GPC5: variants seen among roughly 807,000 people sequenced by gnomAD.
The protein encoded by GPC5 is glypican-5.
GPC5 carries 47 observed loss-of-function variants against 53.9 expected under a neutral mutation model. The observed-to-expected ratio is 0.87, with a 90% confidence interval of 0.69 to 1.11. GPC5 has a LOEUF of 1.11. Among genes scored for constraint, GPC5 ranks in the 50% most tolerant of loss-of-function variants. The pLI is 0.00. For synonymous variants in GPC5, 286 were observed against 263.3 expected (o/e 1.09, Z -0.84); for missense variants, 748 against 713.1 (o/e 1.05, Z -0.56).
intron 2 of GPC5, among the ~76,000 whole-genome samples, chr13:91,533,973 C>A (rs1182550395): frequency 1.3e-5 from 2 of 152,086 alleles, no homozygotes; most frequent in East Asian, 1.9e-4. Context: ...AGCAGCATTT[C>A]TTTTTAGCTG....
intron 2 of GPC5, among the ~76,000 whole-genome samples, chr13:91,626,993 A>G (rs1470936707): frequency 9.1e-6 from 1 of 110,134 alleles, no homozygotes; most frequent in Non-Finnish European, 1.8e-5. Context: ...TACAAAGGAC[A>G]TGAACTCATC....
intron 7 of GPC5, among the ~76,000 whole-genome samples, chr13:92,215,918 C>T (rs373037287): frequency 6.6e-5 from 10 of 152,106 alleles, no homozygotes; most frequent in African/African-American, 1.7e-4. Context: ...CCCTCCTTAG[C>T]TCAGGCTTTG....
intron 2 of GPC5, among the ~76,000 whole-genome samples, chr13:91,596,323 T>A (rs561851868): frequency 2.0e-5 from 3 of 152,234 alleles, no homozygotes; most frequent in Admixed American, 6.5e-5. Context: ...TGCCTTTAAA[T>A]TATTATGGCT....
intron 1 of GPC5, among the ~76,000 whole-genome samples, chr13:91,428,985 T>C (rs1409038980): frequency 6.6e-6 from 1 of 152,172 alleles, no homozygotes; most frequent in African/African-American, 2.4e-5. Flanking sequence ...AGTGGCATGA[T>C]CTTGGCTCAC....
At chr13:92,503,900 A>G (rs551373661) in intron 7 of GPC5, among the ~76,000 whole-genome samples, 25 of 151,896 alleles carry the variant, frequency 1.6e-4, no homozygotes, top group Non-Finnish European at 3.4e-4. Context: ...CTTGGCCAAG[A>G]TTGTTTCTGA....
rs1370690786 is a variant in GPC5 at position 92,385,347 on chromosome 13, C to CATATATACATATATACAT, written c.1561+240394_1561+240411dup. Among the ~76,000 whole-genome samples, 6 of 86,990 alleles carry CATATATACATATATACAT rather than the reference C, an allele frequency of 6.9e-5. 1 individual carries two copies. Among genetic ancestry groups the CATATATACATATATACAT allele is most frequent in the Non-Finnish European group, 1.2e-4 (5 of 42,926 alleles). 57.1% of individuals were successfully genotyped at this position (86,990 alleles called of 152,430 possible). A position where few individuals can be genotyped will look rare whatever the true frequency, so the allele number is the denominator to read the frequency against. ...ATATATACATATATACATATATATA[C>CATATATACATATATACAT]ATATATACATATATACATATATATA... is the stretch of plus-strand genomic sequence containing the variant. On this transcript the variant is annotated intron_variant, in intron 7 of 7. Coordinates refer to ENST00000377067, the MANE Select transcript of GPC5 (RefSeq NM_004466.6).
At chr13:92,445,223 A>T (rs1877750000) in intron 7 of GPC5, among the ~76,000 whole-genome samples, 1 of 141,282 alleles carries the variant, frequency 7.1e-6, no homozygotes, top group Non-Finnish European at 1.5e-5. Flanking sequence ...CTCTCCTCTC[A>T]AGAGATGTAT....
intron 5 of GPC5, among the ~76,000 whole-genome samples, chr13:91,867,721 G>A (rs543633700): frequency 3.3e-5 from 5 of 152,184 alleles, no homozygotes; most frequent in Admixed American, 6.5e-5. Context: ...ATTCACGAGG[G>A]ATGGATGGTT....
At chr13:92,327,744 C>T (rs567106844) in intron 7 of GPC5, among the ~76,000 whole-genome samples, 6 of 152,138 alleles carry the variant, frequency 3.9e-5, no homozygotes, top group Non-Finnish European at 7.3e-5. Flanking sequence ...TCTTTTACAA[C>T]GAAATCAAAA....
intron 7 of GPC5, among the ~76,000 whole-genome samples, chr13:92,664,210 A>C (rs1886492553): frequency 6.6e-6 from 1 of 152,010 alleles, no homozygotes. Flanking sequence ...ATCATCAGAA[A>C]TCAAATACCA....
At chr13:91,660,210 C>G (rs1373166942) in intron 2 of GPC5, among the ~76,000 whole-genome samples, 1 of 152,190 alleles carries the variant, frequency 6.6e-6, no homozygotes, top group East Asian at 1.9e-4. Flanking sequence ...GGGCTGATTG[C>G]TACAGAGGCT....
rs1462533037 is a variant in GPC5, at chr13:92,646,966, G to GTGTA, written c.1562-219315_1562-219314insGTAT. Among the ~76,000 whole-genome samples the GTGTA allele has an allele frequency of 6.5e-4, 95 of 145,968 alleles. 1 individual carries two copies. Among genetic ancestry groups the GTGTA allele is most frequent in the African/African-American group, 2.0e-3 (74 of 36,704 alleles). Reference sequence around the variant, plus strand: ...TGTGTGTGTGTGTGTGTGTGTGTGTGTATATAAACCTGGCATTCTATGACC... The same window carrying GTGTA: ...TGTGTGTGTGTGTGTGTGTGTGTGTGTGTATATATAAACCTGGCATTCTATGACC... On this transcript the variant is annotated intron_variant, in intron 7 of 7. Coordinates refer to ENST00000377067, the MANE Select transcript of GPC5 (RefSeq NM_004466.6).
chr13:91,569,080 C>T (rs1373308569), intron 2 of GPC5, among the ~76,000 whole-genome samples: 3 of 151,896 alleles, frequency 2.0e-5, no homozygotes, highest in African/African-American at 7.3e-5. Flanking sequence ...AAGATGTGTC[C>T]ATGAAGTGTT....
chr13:91,948,657 A>G (rs1311793488), intron 6 of GPC5, among the ~76,000 whole-genome samples: 2 of 152,234 alleles, frequency 1.3e-5, no homozygotes, highest in Admixed American at 6.5e-5. Flanking sequence ...AAACAAATGC[A>G]ATTTTAATAA....
intron 2 of GPC5, among the ~76,000 whole-genome samples, chr13:91,528,269 G>A (rs186496054): frequency 2.0e-5 from 3 of 152,256 alleles, no homozygotes; most frequent in East Asian, 3.9e-4. Flanking sequence ...AAAAAGCCAG[G>A]TCACCTCTTA....
At chr13:92,417,360 G>C (rs1566581438) in intron 7 of GPC5, among the ~76,000 whole-genome samples, 1 of 152,158 alleles carries the variant, frequency 6.6e-6, no homozygotes, top group Non-Finnish European at 1.5e-5. Context: ...AAGTGTGGGA[G>C]AGGATGTAGG....
intron 7 of GPC5, among the ~76,000 whole-genome samples, chr13:92,779,072 T>A (rs1875927019): frequency 1.3e-5 from 2 of 152,006 alleles, no homozygotes; most frequent in South Asian, 2.1e-4. Context: ...TACCTGAGAC[T>A]GGGCAAAGAG....
intron 2 of GPC5, among the ~76,000 whole-genome samples, chr13:91,629,349 TA>T (rs754573386): frequency 2.0e-4 from 31 of 152,214 alleles, no homozygotes; most frequent in South Asian, 8.3e-4. Flanking sequence ...TATTTAAATT[TA>T]TTTTTTTTCA....
At chr13:91,479,313 A>C (rs986821340) in intron 2 of GPC5, among the ~76,000 whole-genome samples, 5 of 152,294 alleles carry the variant, frequency 3.3e-5, no homozygotes, top group Middle Eastern at 3.4e-3. Flanking sequence ...TCACAAAAGC[A>C]TCTAAACCTT....
Sources: allele counts gnomAD v4.1 joint callset (sites outside exome capture counted in the v4.1 genomes callset), GRCh38; gene constraint gnomAD v4.1.1; transcripts MANE v1.5; gene names NCBI Gene and HGNC (gene_info 2026-07-23, HGNC 2026-07-21).